Variants in RPGRIP1L observed in about 807,000 individuals in gnomAD.
RPGRIP1L encodes the protein protein fantom.
RPGRIP1L carries 131 observed loss-of-function variants against 160.4 expected under a neutral mutation model. The ratio of observed to expected loss-of-function variants is 0.82; its 90% confidence interval spans 0.71 to 0.94. RPGRIP1L has a LOEUF of 0.94. RPGRIP1L is among the 40% of genes least tolerant of loss of function. The probability of loss-of-function intolerance (pLI) is 0.00; values close to 1 mark genes in which losing one functional copy is unlikely to be tolerated. For synonymous variants in RPGRIP1L, 510 were observed against 515.8 expected (o/e 0.99, Z 0.15); for missense variants, 1,522 against 1,535.8 (o/e 0.99, Z 0.15).
At chr16:53,617,583 G>A (rs915294489) in intron 24 of RPGRIP1L, among the ~76,000 whole-genome samples, 1 of 152,154 alleles carries the variant, frequency 6.6e-6, no homozygotes, top group African/African-American at 2.4e-5. Flanking sequence ...TAACACACCT[G>A]TTATTGTAGA....
At position 53,641,350 on chromosome 16, in the gene RPGRIP1L, G is replaced by T. The variant is rs745890092; in HGVS notation, c.2809C>A (p.Arg937Ser). Residue 937 changes from arginine (R) to serine (S), a missense_variant, in exon 18 of 27, where the codon CGC (arginine) becomes AGC (serine). By Grantham distance (110) the Arg-to-Ser change is moderately radical. Coordinates refer to ENST00000647211, the MANE Select transcript of RPGRIP1L (RefSeq NM_015272.5). ...ITTEDLGNFI[R>S]SEEPEVVQRL... The stretch of plus-strand genomic sequence containing the variant: ...TGAACAACTTCTGGCTCTTCGCTGC[G>T]AATGAAATTTCCTAAGTCTTCAGTT... 6.2e-7 allele frequency: 1 copy of T among 1,614,038 alleles called. No individual in the cohort carries two copies.
intron 3 of RPGRIP1L, chr16:53,694,565 G>C (rs1032210255): frequency 2.0e-4 from 31 of 151,670 alleles, no homozygotes; most frequent in African/African-American, 7.5e-4. Context: ...CCCAAGCTCA[G>C]TCCAATGGCG....
intron 24 of RPGRIP1L, among the ~76,000 whole-genome samples, chr16:53,615,473 T>TTA (rs1964316003): frequency 2.3e-5 from 1 of 43,340 alleles, no homozygotes; most frequent in African/African-American, 1.2e-4. Flanking sequence ...TATATATATA[T>TTA]TTTTTTTTTT....
At chr16:53,656,624 TGATTAGTTCTA>T in intron 13 of RPGRIP1L, 35 bp from the exon 14 acceptor site, 1 of 1,355,642 alleles carries the variant, frequency 7.4e-7, no homozygotes, top group Non-Finnish European at 1.1e-6. Flanking sequence ...TTAATACTTA[TGATTAGTTCTA>T]TTTTCATTAT....
chr16:53,673,089 T>TA, intron 7 of RPGRIP1L, 73 bp from the exon 8 acceptor site: 1 of 1,358,602 alleles, frequency 7.4e-7, no homozygotes, highest in Non-Finnish European at 1.0e-6. Flanking sequence ...ATGATTTGAC[T>TA]AAATGATTAC....
At chr16:53,697,970 C>T (rs372080249) in intron 2 of RPGRIP1L, among the ~76,000 whole-genome samples, 7,638 of 150,476 alleles carry the variant, frequency 0.051, 339 homozygotes, top group East Asian at 0.29. Flanking sequence ...CGTCTCTGCC[C>T]GGCCGCCCAT....
intron 6 of RPGRIP1L, among the ~76,000 whole-genome samples, chr16:53,684,049 G>A (rs932472998): frequency 6.6e-6 from 1 of 152,068 alleles, no homozygotes; most frequent in Non-Finnish European, 1.5e-5. Context: ...GAAAACCTAG[G>A]TGATATCCAG....
chr16:53,646,045 T>TA, intron 16 of RPGRIP1L, 42 bp from the exon 17 acceptor site: 1 of 1,592,424 alleles, frequency 6.3e-7, no homozygotes, highest in South Asian at 1.1e-5. Context: ...ATAACACAGT[T>TA]AAAAGATGAA....
intron 22 of RPGRIP1L, among the ~76,000 whole-genome samples, chr16:53,633,658 G>A (rs1164023847): frequency 1.3e-5 from 2 of 152,248 alleles, no homozygotes; most frequent in South Asian, 4.2e-4. Flanking sequence ...AATTAAAGGG[G>A]CATGATTTCT....
chr16:53,599,179 A>G lies in RPGRIP1L; in HGVS notation c.*2897T>C, dbSNP rs1796238236. 6.6e-6 allele frequency: 1 copy of G among 152,202 alleles called. No homozygotes were observed. Among genetic ancestry groups the G allele is most frequent in the East Asian group, 1.9e-4 (1 of 5,204 alleles). 9.4% of individuals were successfully genotyped at this position (152,202 alleles called of 1,614,324 possible). On this transcript the variant is annotated 3_prime_UTR_variant, in exon 27 of 27. Transcript: ENST00000647211. ...ACTTCTCAGCCCACATGTCTTCATA[A>G]CACATAGAAATTATTTGTGTTTTGT...
chr16:53,698,869 C>A (rs909683175), intron 2 of RPGRIP1L, among the ~76,000 whole-genome samples: 48 of 152,060 alleles, frequency 3.2e-4, no homozygotes, highest in Non-Finnish European at 4.4e-5. Flanking sequence ...TGCCCAGCCA[C>A]CACCCCGTCT....
At chr16:53,602,931 T>A (rs1310985272) in intron 26 of RPGRIP1L, among the ~76,000 whole-genome samples, 1 of 152,210 alleles carries the variant, frequency 6.6e-6, no homozygotes, top group Non-Finnish European at 1.5e-5. Context: ...AACATTTCAT[T>A]TAAAATAGAT....
rs765860379 is a variant in RPGRIP1L, at chr16:53,692,050, G to GTTC, written c.529+15_529+16insGAA. The GTTC allele has an allele frequency of 6.2e-7, 1 of 1,611,938 alleles. No homozygotes were observed. The highest frequency in any genetic ancestry group is 8.5e-7 in the Non-Finnish European group (1 of 1,178,318). On this transcript the variant is annotated intron_variant, in intron 4 of 26. Coordinates refer to ENST00000647211, the MANE Select transcript of RPGRIP1L (RefSeq NM_015272.5). ...AATAAGACTTCAGTTTAGATTTAACGTAAGCTTTGTTTTACCTTTCCTGGG... is the reference window on the plus strand; with the variant it reads ...AATAAGACTTCAGTTTAGATTTAACGTTCTAAGCTTTGTTTTACCTTTCCTGGG...
At chr16:53,664,367 G>A (rs756503611) in intron 10 of RPGRIP1L, among the ~76,000 whole-genome samples, 3 of 152,092 alleles carry the variant, frequency 2.0e-5, no homozygotes, top group East Asian at 1.9e-4. Flanking sequence ...TCTCAAAAAC[G>A]GCAAGCTACT....
At chr16:53,695,661 A>T in intron 3 of RPGRIP1L, 2 of 537,920 alleles carry the variant, frequency 3.7e-6, no homozygotes, top group Non-Finnish European at 6.6e-6. Flanking sequence ...GAAACAGTAG[A>T]GACTCTTTGA....
intron 22 of RPGRIP1L, among the ~76,000 whole-genome samples, chr16:53,632,067 A>C (rs1965554925): frequency 6.6e-6 from 1 of 152,264 alleles, no homozygotes; most frequent in Non-Finnish European, 1.5e-5. Flanking sequence ...GTAATCTATG[A>C]TTAATTATAC....
chr16:53,671,675 G>A, intron 8 of RPGRIP1L, 92 bp from the exon 9 acceptor site: 1 of 661,264 alleles, frequency 1.5e-6, no homozygotes, highest in South Asian at 1.9e-5. Context: ...TATGAGAGAA[G>A]GTTAACATGT....
chr16:53,683,024 G>A (rs1323679761), intron 6 of RPGRIP1L, among the ~76,000 whole-genome samples: 1 of 151,918 alleles, frequency 6.6e-6, no homozygotes, highest in Admixed American at 6.6e-5. Context: ...AGAATTTTTA[G>A]AGATAACACT....
intron 4 of RPGRIP1L, among the ~76,000 whole-genome samples, chr16:53,690,249 T>A (rs1054649350): frequency 5.3e-5 from 8 of 152,170 alleles, no homozygotes; most frequent in African/African-American, 1.9e-4. Flanking sequence ...CAGGTTGGAG[T>A]GCAATGGTGC....
Sources: gnomAD v4.1 joint callset for allele counts (sites outside exome capture counted in the v4.1 genomes callset) on GRCh38, gnomAD v4.1.1 for gene constraint, MANE v1.5 for transcripts, NCBI Gene and HGNC (gene_info 2026-07-23, HGNC 2026-07-21) for gene names.